Variants in PDE10A observed in about 807,000 individuals in gnomAD.
The protein encoded by PDE10A is phosphodiesterase 10A.
A neutral mutation model predicts 97.7 loss-of-function variants in PDE10A; 39 were observed. The ratio of observed to expected loss-of-function variants is 0.40; its 90% CI spans 0.31 to 0.52. The LOEUF is 0.52. Ranked by LOEUF, PDE10A falls within the 20% of genes least tolerant of loss-of-function variation. The probability of loss-of-function intolerance (pLI) is 0.56; values close to 1 mark genes in which losing one functional copy is unlikely to be tolerated. For synonymous variants in PDE10A, 371 were observed against 376.8 expected (o/e 0.98, Z 0.18); for missense variants, 731 against 1,047.8 (o/e 0.70, Z 4.17).
At chr6:165,852,692 G>C (rs1385152818) in intron 1 of PDE10A, among the ~76,000 whole-genome samples, 1 of 152,192 alleles carries the variant, frequency 6.6e-6, no homozygotes, top group East Asian at 1.9e-4. Flanking sequence ...AGACGGCCTT[G>C]GTGGCATTAC....
intron 3 of PDE10A, among the ~76,000 whole-genome samples, chr6:165,462,563 G>C (rs1778388372): frequency 6.6e-6 from 1 of 152,206 alleles, no homozygotes; most frequent in African/African-American, 2.4e-5. Flanking sequence ...AAGAGATTCT[G>C]GGAGGATCCC....
intron 10 of PDE10A, among the ~76,000 whole-genome samples, chr6:165,421,797 T>C (rs574175035): frequency 1.3e-5 from 2 of 152,222 alleles, no homozygotes; most frequent in Non-Finnish European, 2.9e-5. Context: ...GTGCAGGGGC[T>C]CACGCTGTAC....
chr6:165,811,702 G>T (rs954424444), intron 1 of PDE10A, among the ~76,000 whole-genome samples: 1 of 152,162 alleles, frequency 6.6e-6, no homozygotes, highest in Non-Finnish European at 1.5e-5. Flanking sequence ...GAGGCCGGGA[G>T]GGGGGCTCTG....
chr6:165,931,912 T>A (rs1033396833), intron 1 of PDE10A, among the ~76,000 whole-genome samples: 1 of 152,118 alleles, frequency 6.6e-6, no homozygotes, highest in Non-Finnish European at 1.5e-5. Context: ...GAGGTTGAGC[T>A]GGACCACCAG....
At chr6:165,447,240 C>T (rs1211445376) in intron 5 of PDE10A, among the ~76,000 whole-genome samples, 2 of 152,208 alleles carry the variant, frequency 1.3e-5, no homozygotes, top group Admixed American at 1.3e-4. Context: ...AGTCTCTGCC[C>T]GCAGCTGTCT....
intron 1 of PDE10A, among the ~76,000 whole-genome samples, chr6:165,556,909 G>C (rs1401800440): frequency 6.6e-6 from 1 of 152,178 alleles, no homozygotes; most frequent in Non-Finnish European, 1.5e-5. Flanking sequence ...GGAGGCTGAG[G>C]CAGGTGGATC....
intron 3 of PDE10A, 71 bp downstream of exon 3, chr6:165,482,244 G>A: frequency 9.9e-7 from 1 of 1,006,260 alleles, no homozygotes; most frequent in Non-Finnish European, 1.6e-6. Context: ...ATGTGTTAGA[G>A]TACTGAGAGA....
At chr6:165,944,614 A>C (rs182953482) in intron 1 of PDE10A, among the ~76,000 whole-genome samples, 24 of 152,260 alleles carry the variant, frequency 1.6e-4, no homozygotes, top group Non-Finnish European at 2.4e-4. Flanking sequence ...AAGTTTTTGA[A>C]TGTTGTGTCC....
chr6:165,475,453 G>C (rs1271037251), intron 3 of PDE10A, among the ~76,000 whole-genome samples: 1 of 152,186 alleles, frequency 6.6e-6, no homozygotes, highest in Non-Finnish European at 1.5e-5. Flanking sequence ...AATTAGTGAA[G>C]AAACGAGGTG....
chr6:165,678,151 GTC>G (rs1421164779), intron 1 of PDE10A, among the ~76,000 whole-genome samples: 81 of 3,832 alleles, frequency 0.021, no homozygotes, highest in African/African-American at 0.059. Flanking sequence ...GTATGTGTGT[GTC>G]TCTCTGTGTG....
At chr6:165,783,165 A>T (rs1778391090) in intron 1 of PDE10A, among the ~76,000 whole-genome samples, 1 of 152,246 alleles carries the variant, frequency 6.6e-6, no homozygotes, top group African/African-American at 2.4e-5. Flanking sequence ...TATTGAGTAG[A>T]TGCTATGCCT....
At chr6:165,700,146 T>G (rs139444289) in intron 1 of PDE10A, among the ~76,000 whole-genome samples, 3 of 152,318 alleles carry the variant, frequency 2.0e-5, no homozygotes, top group African/African-American at 7.2e-5. Context: ...TGATACACAC[T>G]ACAATGTGGA....
chr6:165,463,849 A>C (rs999563729), intron 3 of PDE10A, among the ~76,000 whole-genome samples: 25 of 152,250 alleles, frequency 1.6e-4, no homozygotes, highest in South Asian at 4.1e-4. Context: ...ACTTAAAGGC[A>C]TTCTTAAGCC....
At chr6:165,407,660 A>G (rs1418863773) in intron 13 of PDE10A, among the ~76,000 whole-genome samples, 1 of 152,208 alleles carries the variant, frequency 6.6e-6, no homozygotes, top group Non-Finnish European at 1.5e-5. Flanking sequence ...TTTAATAGCA[A>G]ATTTTGTTCA....
intron 1 of PDE10A, among the ~76,000 whole-genome samples, chr6:165,892,666 C>A (rs1303452441): frequency 6.6e-6 from 1 of 152,172 alleles, no homozygotes; most frequent in African/African-American, 2.4e-5. Context: ...GCCGTGTCTC[C>A]CTCCCCGGCC....
chr6:165,987,287 G>A (rs1289633060), intron 1 of PDE10A, among the ~76,000 whole-genome samples: 8 of 152,192 alleles, frequency 5.3e-5, no homozygotes, highest in Non-Finnish European at 7.4e-5. Context: ...AAACCCTTGA[G>A]TCTTCGGCTT....
intron 1 of PDE10A, among the ~76,000 whole-genome samples, chr6:165,885,219 A>C (rs1447470250): frequency 6.6e-6 from 1 of 152,182 alleles, no homozygotes; most frequent in Non-Finnish European, 1.5e-5. Flanking sequence ...GGACTACCGG[A>C]GACTGGGTAA....
chr6:165,896,625 C>T (rs1296468274), intron 1 of PDE10A, among the ~76,000 whole-genome samples: 3 of 150,678 alleles, frequency 2.0e-5, no homozygotes, highest in African/African-American at 7.3e-5. Flanking sequence ...CCCGGGTACA[C>T]GCCATTCTCC....
At chr6:165,652,210 T>C (rs73251588) in intron 1 of PDE10A, among the ~76,000 whole-genome samples, 6,154 of 152,256 alleles carry the variant, frequency 0.04, 386 homozygotes, top group African/African-American at 0.13. Flanking sequence ...ATACAATATG[T>C]AATTAGCACA....
Sources: allele counts gnomAD v4.1 joint callset (sites outside exome capture counted in the v4.1 genomes callset), GRCh38; gene constraint gnomAD v4.1.1; transcripts MANE v1.5; gene names NCBI Gene and HGNC (gene_info 2026-07-23, HGNC 2026-07-21).